Variants in EYS observed in about 807,000 individuals in gnomAD.
EYS encodes EGF-like photoreceptor maintenance factor.
Under a neutral mutation model 282.1 loss-of-function variants are expected in EYS, and 250 were observed. The observed-to-expected ratio is 0.89, with a 90% CI of 0.80 to 0.98. The LOEUF is 0.98. EYS is among the 50% of genes least tolerant of loss of function. EYS has a pLI of 0.00. For synonymous variants in EYS, 1,355 were observed against 1,282.9 expected (o/e 1.06, Z -1.20); for missense variants, 4,016 against 3,709.0 (o/e 1.08, Z -2.15).
At chr6:65,515,681 T>G (rs1582403033) in intron 2 of EYS, among the ~76,000 whole-genome samples, 2 of 150,360 alleles carry the variant, frequency 1.3e-5, no homozygotes, top group East Asian at 4.0e-4. Context: ...CTCAGTAAAC[T>G]ATCGCAAGGA....
chr6:64,808,274 C>A (rs1386140499), intron 22 of EYS, among the ~76,000 whole-genome samples: 1 of 152,068 alleles, frequency 6.6e-6, no homozygotes, highest in Non-Finnish European at 1.5e-5. Context: ...CATATGGTAG[C>A]AACATCAGAG....
intron 29 of EYS, among the ~76,000 whole-genome samples, chr6:64,327,120 C>A (rs774123950): frequency 4.6e-5 from 7 of 152,078 alleles, no homozygotes; most frequent in African/African-American, 1.7e-4. Context: ...TGGGGAGGCA[C>A]GGATCTCTTA....
intron 14 of EYS, among the ~76,000 whole-genome samples, chr6:64,951,828 G>T (rs1179148009): frequency 1.3e-5 from 2 of 151,578 alleles, no homozygotes; most frequent in African/African-American, 4.8e-5. Flanking sequence ...ACGAAATATG[G>T]GAACTAATGA....
intron 30 of EYS, among the ~76,000 whole-genome samples, chr6:64,265,194 T>C (rs543988301): frequency 1.3e-5 from 2 of 152,286 alleles, no homozygotes; most frequent in Admixed American, 6.5e-5. Flanking sequence ...GATAACAGTA[T>C]GCAATTTAAA....
At chr6:64,897,954 T>C (rs375217699) in intron 18 of EYS, among the ~76,000 whole-genome samples, 2 of 152,188 alleles carry the variant, frequency 1.3e-5, no homozygotes, top group Non-Finnish European at 1.5e-5. Flanking sequence ...TATGGGACTA[T>C]GTGAAAAGAC....
At chr6:64,801,530 T>C (rs1389201712) in intron 22 of EYS, among the ~76,000 whole-genome samples, 5 of 127,364 alleles carry the variant, frequency 3.9e-5, no homozygotes, top group Non-Finnish European at 7.4e-5. Context: ...GCTGAAATTG[T>C]TATATACTCT....
chr6:65,680,970 G>A lies in EYS; in HGVS notation c.-448+26165C>T, dbSNP rs140859453. On this transcript the variant is annotated intron_variant, in intron 1 of 42. Coordinates refer to ENST00000503581, the MANE Select transcript of EYS (RefSeq NM_001142800.2). The stretch of plus-strand genomic sequence containing the variant: ...AGATTGCCTCCCACTGGCCACCGGT[G>A]ATCATTTTAACCTTCAGCCCCAACT... Among the ~76,000 whole-genome samples, 1,017 of 151,912 alleles carry A rather than the reference G, an allele frequency of 6.7e-3. 12 individuals are homozygous for A. The highest frequency in any genetic ancestry group is 0.021 in the South Asian group (99 of 4,808).
rs1470771795 is a variant in EYS, at chr6:64,554,428, C to T, written c.5644+35795G>A. ...GAAGAAGGGGCATGACTATATCAAG[C>T]TTACACTAAAAATGCTGAATAACAA... On this transcript the variant is annotated intron_variant, in intron 26 of 42. Transcript: ENST00000503581. 2.0e-5 allele frequency among the ~76,000 whole-genome samples: 3 copies of T among 152,028 alleles called. No homozygotes were observed. The South Asian group carries it at 6.2e-4, about 31-fold the overall frequency.
intron 21 of EYS, among the ~76,000 whole-genome samples, chr6:64,818,662 CAG>C (rs1764812988): frequency 1.3e-5 from 2 of 152,096 alleles, no homozygotes; most frequent in South Asian, 4.2e-4. Context: ...TGTTTGAGGG[CAG>C]GAAGCACCCG....
At chr6:64,828,680 C>T (rs961733614) in intron 19 of EYS, among the ~76,000 whole-genome samples, 1 of 151,840 alleles carries the variant, frequency 6.6e-6, no homozygotes, top group Non-Finnish European at 1.5e-5. Context: ...TTTGGCAAGA[C>T]CAGTGGCAAT....
intron 31 of EYS, among the ~76,000 whole-genome samples, chr6:64,221,507 T>A (rs1766101519): frequency 6.6e-6 from 1 of 152,150 alleles, no homozygotes; most frequent in Non-Finnish European, 1.5e-5. Flanking sequence ...CCATTAAATT[T>A]CTGTTTATTA....
chr6:63,959,959 G>T (rs1562117755), intron 35 of EYS, among the ~76,000 whole-genome samples: 1 of 151,704 alleles, frequency 6.6e-6, no homozygotes, highest in East Asian at 1.9e-4. Context: ...AAACCACCAT[G>T]GCACATGTAT....
intron 26 of EYS, among the ~76,000 whole-genome samples, chr6:64,548,818 T>TA (rs1764968693): frequency 6.7e-6 from 1 of 149,598 alleles, no homozygotes; most frequent in Admixed American, 6.6e-5. Flanking sequence ...CCCTAAAACT[T>TA]AAAGTATAAT....
chr6:65,009,043 A>G (rs1225723004), intron 13 of EYS, among the ~76,000 whole-genome samples: 1 of 152,176 alleles, frequency 6.6e-6, no homozygotes, highest in Non-Finnish European at 1.5e-5. Flanking sequence ...TAGCAAAAGC[A>G]GGGGCCATTA....
chr6:64,507,024 A>G (rs1169612105), intron 26 of EYS, among the ~76,000 whole-genome samples: 1 of 137,904 alleles, frequency 7.3e-6, no homozygotes, highest in Non-Finnish European at 1.5e-5. Context: ...AAAAATCTTT[A>G]GAATTTTATA....
At chr6:65,072,837 T>G (rs751784746) in intron 12 of EYS, among the ~76,000 whole-genome samples, 2 of 150,710 alleles carry the variant, frequency 1.3e-5, no homozygotes, top group Non-Finnish European at 3.0e-5. Context: ...AAAAGGAAAT[T>G]AAGAAAGAGA....
chr6:64,338,849 T>A (rs996563070), intron 29 of EYS, among the ~76,000 whole-genome samples: 2 of 152,000 alleles, frequency 1.3e-5, no homozygotes, highest in African/African-American at 4.8e-5. Context: ...AGCCAACTGA[T>A]CTTCAACAAA....
intron 26 of EYS, among the ~76,000 whole-genome samples, chr6:64,477,010 G>A (rs1776291861): frequency 1.3e-5 from 2 of 151,970 alleles, no homozygotes; most frequent in South Asian, 4.2e-4. Context: ...TCTCTAATAT[G>A]ACAAAAAGAA....
chr6:65,290,023 A>C (rs1423505461), intron 12 of EYS, among the ~76,000 whole-genome samples: 1 of 151,200 alleles, frequency 6.6e-6, no homozygotes, highest in African/African-American at 2.4e-5. Context: ...ATGAAAATCA[A>C]GTCTGAAATC....
Sources: allele counts gnomAD v4.1 joint callset (sites outside exome capture counted in the v4.1 genomes callset), GRCh38; gene constraint gnomAD v4.1.1; transcripts MANE v1.5; gene names NCBI Gene and HGNC (gene_info 2026-07-23, HGNC 2026-07-21).